Variants in CFTR observed in about 807,000 individuals in gnomAD.
CFTR encodes cystic fibrosis transmembrane conductance regulator.
CFTR carries 181 observed loss-of-function variants against 171.6 expected under a neutral mutation model. That is an observed-to-expected ratio of 1.05 (90% CI 0.93 to 1.19). The LOEUF is 1.19. Ranked by LOEUF, CFTR falls within the 50% of genes most tolerant of loss-of-function variation. CFTR has a pLI of 0.00. For synonymous variants in CFTR, 583 were observed against 608.0 expected (o/e 0.96, Z 0.60); for missense variants, 1,968 against 1,734.7 (o/e 1.13, Z -2.39).
intron 2 of CFTR, 89 bp from the exon 3 acceptor site, chr7:117,508,945 T>C (rs1798465957): frequency 1.2e-6 from 1 of 849,094 alleles, no homozygotes; most frequent in Non-Finnish European, 2.0e-6. Flanking sequence ...TTGGATATAC[T>C]TGTGTGAATC....
intron 11 of CFTR, among the ~76,000 whole-genome samples, chr7:117,562,804 A>G (rs1294284309): frequency 2.0e-5 from 3 of 152,190 alleles, no homozygotes; most frequent in Non-Finnish European, 2.9e-5. Context: ...CAGGATCTCT[A>G]AAAGCAGGTG....
intron 10 of CFTR, among the ~76,000 whole-genome samples, chr7:117,555,633 C>T (rs543344078): frequency 1.3e-5 from 2 of 152,212 alleles, no homozygotes; most frequent in South Asian, 4.1e-4. Context: ...AAAGTTGTAA[C>T]AGTACAAGAA....
At chr7:117,651,466 T>G (rs1176423770) in intron 23 of CFTR, among the ~76,000 whole-genome samples, 1 of 152,202 alleles carries the variant, frequency 6.6e-6, no homozygotes, top group African/African-American at 2.4e-5. Flanking sequence ...CTTTGTCTAC[T>G]CTCTTCAGTT....
At chr7:117,632,564 AAAAAAG>A (rs1272119234) in intron 22 of CFTR, among the ~76,000 whole-genome samples, 11 of 151,706 alleles carry the variant, frequency 7.3e-5, no homozygotes, top group East Asian at 3.9e-4. Flanking sequence ...TCTCAAAAAA[AAAAAAG>A]AAAAAGAAAA....
intron 7 of CFTR, among the ~76,000 whole-genome samples, chr7:117,539,209 C>G (rs910154676): frequency 6.6e-6 from 1 of 152,110 alleles, no homozygotes; most frequent in East Asian, 1.9e-4. Flanking sequence ...CAGTGTTGTC[C>G]TCTGCACTCC....
At chr7:117,509,174 T>A (rs780026510) in intron 3 of CFTR, 32 bp downstream of exon 3, 1 of 1,160,942 alleles carries the variant, frequency 8.6e-7, no homozygotes, top group Admixed American at 1.7e-5. Context: ...TCATTATGTA[T>A]CACATAACTA....
intron 21 of CFTR, 69 bp from the exon 22 acceptor site, chr7:117,627,453 G>C: frequency 6.6e-7 from 1 of 1,525,904 alleles, no homozygotes. Context: ...TATTTTTTAG[G>C]AAGCATCAAA....
At chr7:117,561,146 T>C (rs1799457185) in intron 11 of CFTR, among the ~76,000 whole-genome samples, 2 of 152,108 alleles carry the variant, frequency 1.3e-5, no homozygotes, top group African/African-American at 2.4e-5. Context: ...TTCTGAACAC[T>C]GTGCTAGGTC....
chr7:117,623,875 TCATA>T (rs1251564149), intron 21 of CFTR, among the ~76,000 whole-genome samples: 1 of 152,186 alleles, frequency 6.6e-6, no homozygotes, highest in East Asian at 1.9e-4. Context: ...GAGGTTACTA[TCATA>T]GGCAGAATTT....
Position 117,642,593 on chromosome 7 carries a change from G to C in CFTR, c.3873G>C (p.Gln1291His), listed in dbSNP as rs121909015. Residue 1291 changes from glutamine to histidine, a missense_variant and splice_region_variant, in exon 23 of 27, where the codon CAG (glutamine) becomes CAC (histidine). Gln to His is a conservative substitution (Grantham distance 24, BLOSUM62 0). Coordinates refer to ENST00000003084, the MANE Select transcript of CFTR (RefSeq NM_000492.4). ...QWRKAFGVIP[Q>H]KVFIFSGTFR... ...GGAAAGCCTTTGGAGTGATACCACA[G>C]GTGAGCAAAAGGACTTAGCCAGAAA... is the stretch of plus-strand genomic sequence containing the variant. The C allele has an allele frequency of 2.7e-5, 43 of 1,613,226 alleles. No individual in the cohort carries two copies. Among genetic ancestry groups the C allele is most frequent in the Non-Finnish European group, 3.6e-5 (43 of 1,179,530 alleles).
chr7:117,523,678 C>T (rs963599502), intron 3 of CFTR, among the ~76,000 whole-genome samples: 1 of 152,164 alleles, frequency 6.6e-6, no homozygotes, highest in Admixed American at 6.5e-5. Flanking sequence ...CGCCCGGCCC[C>T]TGTCTCTGAA....
In CFTR at chr7:117,632,322, G is replaced by A. The variant is rs567338265; in HGVS notation, c.3717+4552G>A. On this transcript the variant is annotated intron_variant, in intron 22 of 26. Coordinates refer to ENST00000003084, the MANE Select transcript of CFTR (RefSeq NM_000492.4). ...GCTCATGCTTGTAATCGAGCACTTT[G>A]AGAGGACATAGTGGGAGGATCACTT... 3.9e-5 allele frequency among the ~76,000 whole-genome samples: 6 copies of A among 152,236 alleles called. No homozygotes were observed. The South Asian group carries it at 6.2e-4, about 16-fold the overall frequency.
At chr7:117,655,507 G>T (rs1793153195) in intron 24 of CFTR, among the ~76,000 whole-genome samples, 1 of 152,132 alleles carries the variant, frequency 6.6e-6, no homozygotes, top group Non-Finnish European at 1.5e-5. Context: ...TAGGTATTCG[G>T]TAAGAAGATA....
chr7:117,559,376 T>C (rs1012485586), intron 10 of CFTR, 88 bp from the exon 11 acceptor site: 5 of 865,542 alleles, frequency 5.8e-6, no homozygotes, highest in Non-Finnish European at 9.9e-6. Context: ...AATAAGAATA[T>C]ACACTTCTGC....
At chr7:117,633,012 T>C (rs1792772671) in intron 22 of CFTR, among the ~76,000 whole-genome samples, 1 of 152,178 alleles carries the variant, frequency 6.6e-6, no homozygotes, top group Admixed American at 6.6e-5. Context: ...TTTGCCTCTC[T>C]TTATGTACTT....
intron 1 of CFTR, among the ~76,000 whole-genome samples, chr7:117,486,678 A>G (rs943904977): frequency 1.3e-5 from 2 of 151,816 alleles, no homozygotes; most frequent in Non-Finnish European, 2.9e-5. Flanking sequence ...GATTTGTGGG[A>G]GATGGGTCTG....
intron 10 of CFTR, among the ~76,000 whole-genome samples, chr7:117,556,490 CTA>C (rs1275964084): frequency 3.6e-5 from 5 of 137,918 alleles, no homozygotes; most frequent in Non-Finnish European, 8.0e-5. Flanking sequence ...TGAGTTTTCT[CTA>C]TGTTTTATTT....
intron 10 of CFTR, among the ~76,000 whole-genome samples, chr7:117,551,112 T>G (rs1417180569): frequency 6.6e-6 from 1 of 152,248 alleles, no homozygotes; most frequent in South Asian, 2.1e-4. Flanking sequence ...AGAGATCTTA[T>G]GTAAAGCTCT....
intron 23 of CFTR, 114 bp from the exon 24 acceptor site, chr7:117,652,728 G>A (rs1176541034): frequency 1.6e-6 from 1 of 619,024 alleles, no homozygotes; most frequent in African/African-American, 1.9e-5. Context: ...GTACATGGGT[G>A]TTTCTTATTT....
Sources: allele counts gnomAD v4.1 joint callset (sites outside exome capture counted in the v4.1 genomes callset), GRCh38; gene constraint gnomAD v4.1.1; transcripts MANE v1.5; gene names NCBI Gene and HGNC (gene_info 2026-07-23, HGNC 2026-07-21).